Variants in TLR6 observed in about 807,000 individuals in gnomAD.
TLR6 encodes the protein toll like receptor 6.
A neutral mutation model predicts 16.1 loss-of-function variants in TLR6; 9 were observed. The observed-to-expected ratio is 0.56, with a 90% CI of 0.34 to 0.98. TLR6 has a LOEUF of 0.98. TLR6 is among the 50% of genes least tolerant of loss of function. The pLI, the probability that TLR6 is intolerant of heterozygous loss-of-function variation, is 0.02. For synonymous variants in TLR6, 340 were observed against 338.6 expected, an observed-to-expected ratio of 1.00 and a Z score of -0.04; for missense variants, 786 against 921.0, an observed-to-expected ratio of 0.85 and a Z score of 1.90.
chr4:38,866,271 C>A, the TLR6 span, among the ~76,000 whole-genome samples: 3 of 151,380 alleles, frequency 2.0e-5, no homozygotes, highest in African/African-American at 7.3e-5. Flanking sequence ...GTGGGTGGAT[C>A]ACCTGAGGTC....
At chr4:38,827,353 G>C in exon 2 of TLR6, 1 of 1,614,148 alleles carries the variant, frequency 6.2e-7, no homozygotes, top group Non-Finnish European at 8.5e-7. Flanking sequence ...ACTCACTCTG[G>C]ACAAAGTTGG....
At chr4:38,829,701 C>T (rs1269622162) in intron 1 of TLR6, among the ~76,000 whole-genome samples, 164 bp from the exon 2 acceptor site, 1 of 152,228 alleles carries the variant, frequency 6.6e-6, no homozygotes, top group Non-Finnish European at 1.5e-5. Flanking sequence ...ATAGCTTGCT[C>T]ATGCCAGAAG....
In TLR6 at chr4:38,828,456, C is replaced by A. The variant is rs1442099605; in HGVS notation, c.1018G>T (p.Asp340Tyr). The A allele has an allele frequency of 1.9e-6, 3 of 1,614,048 alleles. No homozygotes were observed. In the African/African-American group the frequency reaches 4.0e-5, roughly 22 times the overall value. Reference sequence around the variant, plus strand: ...CACAGCATGTGTATAAAAGGTGTATCTGAAATGGTTAACATCATAATGTTC... The same window carrying A: ...CACAGCATGTGTATAAAAGGTGTATATGAAATGGTTAACATCATAATGTTC... The change falls in exon 2 of 2, where the codon GAT becomes TAT. Residue 340 changes from aspartate to tyrosine, a missense_variant. Physicochemically the swap from Asp to Tyr is radical, Grantham distance 160. Transcript: ENST00000436693.
At chr4:38,839,290 A>C (rs556373103) in intron 1 of TLR6, among the ~76,000 whole-genome samples, 1 of 148,714 alleles carries the variant, frequency 6.7e-6, no homozygotes, top group East Asian at 2.0e-4. Flanking sequence ...TCTAAAAAAT[A>C]AAGTCTATTG....
Position 38,827,112 on chromosome 4 carries a change from C to CT in TLR6, c.2361dup (p.Val788SerfsTer3). The CT allele has an allele frequency of 6.3e-7, 1 of 1,595,196 alleles. No homozygotes were observed. Among genetic ancestry groups the CT allele is most frequent in the Non-Finnish European group, 8.5e-7 (1 of 1,173,488 alleles). Reference sequence around the variant, plus strand: ...GATTTCACATCATTGTTTTCAGTGACTAGTGTTAATTTCATATTAAAAGCG... The same window carrying CT: ...GATTTCACATCATTGTTTTCAGTGACTTAGTGTTAATTTCATATTAAAAGCG... On this transcript the variant is annotated frameshift_variant, in exon 2 of 2. Coordinates refer to ENST00000436693, the Ensembl canonical transcript of TLR6. LOFTEE classifies it low-confidence loss of function (END_TRUNC).
intron 1 of TLR6, among the ~76,000 whole-genome samples, chr4:38,854,400 T>A (rs77770371): frequency 0.015 from 2,330 of 152,326 alleles, 64 homozygotes; most frequent in African/African-American, 0.053. Context: ...TTTTTAGAGA[T>A]AGAGAATAAA....
At chr4:38,840,049 T>C (rs1467131018) in intron 1 of TLR6, among the ~76,000 whole-genome samples, 1 of 152,200 alleles carries the variant, frequency 6.6e-6, no homozygotes, top group Non-Finnish European at 1.5e-5. Flanking sequence ...TATCACTTGA[T>C]TTGGAATTAG....
chr4:38,831,246 G>A lies in TLR6; in HGVS notation c.-64-1709C>T, dbSNP rs55648816. On this transcript the variant is annotated intron_variant, in intron 1 of 1. Coordinates refer to ENST00000436693, the Ensembl canonical transcript of TLR6. ...AGCAAAGGCAACTCAGTGGAGAATG[G>A]ATAGTCTTTTCAACAAATGGTGCTG... Among the ~76,000 whole-genome samples, 3 of 150,266 alleles carry A rather than the reference G, an allele frequency of 2.0e-5. No homozygotes were observed. In the South Asian group the frequency reaches 6.3e-4, roughly 32 times the overall value.
At chr4:38,858,019 T>C (rs977998674), upstream of TLR6, among the ~76,000 whole-genome samples, 5 of 152,248 alleles carry the variant, frequency 3.3e-5, no homozygotes, top group Non-Finnish European at 5.9e-5. Context: ...TCTGGGCACA[T>C]TGACATGTCT....
intron 1 of TLR6, among the ~76,000 whole-genome samples, chr4:38,854,499 T>C (rs1712890605): frequency 6.6e-6 from 1 of 152,002 alleles, no homozygotes. Context: ...AGGAGGACTC[T>C]TGTTTCTTAA....
At chr4:38,828,565 T>C in exon 2 of TLR6, 1 of 1,613,970 alleles carries the variant, frequency 6.2e-7, no homozygotes, top group Non-Finnish European at 8.5e-7. Flanking sequence ...ATGCTTTCAA[T>C]GTCGTTTTAG....
At chr4:38,840,992 A>G (rs1712231153) in intron 1 of TLR6, among the ~76,000 whole-genome samples, 1 of 152,100 alleles carries the variant, frequency 6.6e-6, no homozygotes, top group African/African-American at 2.4e-5. Flanking sequence ...GACTACCTCC[A>G]TGCAATTGCC....
chr4:38,824,569 G>T (rs933542846), exon 2 of TLR6: 1 of 152,136 alleles, frequency 6.6e-6, no homozygotes, highest in Non-Finnish European at 1.5e-5. Context: ...TTTTGTCGTT[G>T]TTGTTACTGT....
chr4:38,864,507 G>C, the TLR6 span, among the ~76,000 whole-genome samples: 1 of 152,218 alleles, frequency 6.6e-6, no homozygotes, highest in Non-Finnish European at 1.5e-5. Context: ...CAATAAAGTA[G>C]ATCAATCGGG....
At chr4:38,847,870 C>A (rs368210629) in intron 1 of TLR6, among the ~76,000 whole-genome samples, 1 of 152,092 alleles carries the variant, frequency 6.6e-6, no homozygotes, top group African/African-American at 2.4e-5. Flanking sequence ...GGGCATAGCC[C>A]AACAAAAGGC....
exon 2 of TLR6, chr4:38,826,667 G>A (rs1236618880): frequency 6.4e-6 from 1 of 156,102 alleles, no homozygotes; most frequent in African/African-American, 2.4e-5. Context: ...CAGACTTGAA[G>A]AGAATGATGA....
chr4:38,864,698 T>C, the TLR6 span, among the ~76,000 whole-genome samples: 13 of 152,200 alleles, frequency 8.5e-5, no homozygotes, highest in African/African-American at 3.1e-4. Flanking sequence ...TGAGGACATA[T>C]GCAGCAAACA....
chr4:38,858,879 GAA>G (rs1314233689), upstream of TLR6, among the ~76,000 whole-genome samples: 27 of 99,852 alleles, frequency 2.7e-4, no homozygotes, highest in South Asian at 1.0e-3. Context: ...AAGAAAGAAA[GAA>G]AGAAAGAGAG....
At chr4:38,829,719 A>G (rs1727739109) in intron 1 of TLR6, among the ~76,000 whole-genome samples, 182 bp from the exon 2 acceptor site, 1 of 152,206 alleles carries the variant, frequency 6.6e-6, no homozygotes, top group South Asian at 2.1e-4. Flanking sequence ...AAGGGGCAAT[A>G]TAGGCCTTGT....
Sources: gnomAD v4.1 joint callset for allele counts (sites outside exome capture counted in the v4.1 genomes callset) on GRCh38, gnomAD v4.1.1 for gene constraint, MANE v1.5 for transcripts, NCBI Gene and HGNC (gene_info 2026-07-23, HGNC 2026-07-21) for gene names.